The following CNTN5 variants were observed in gnomAD, a reference collection of about 807,000 sequenced individuals.
CNTN5 encodes the protein contactin 5, also known as contactin-5.
CNTN5 carries 77 observed loss-of-function variants against 129.1 expected under a neutral mutation model. The observed-to-expected ratio is 0.60, with a 90% CI of 0.50 to 0.72. The LOEUF (loss-of-function observed/expected upper bound fraction) is 0.72. Among genes scored for constraint, CNTN5 ranks in the 30% least tolerant of loss-of-function variants. The pLI is 0.00. For synonymous variants in CNTN5, 509 were observed against 465.6 expected (o/e 1.09, Z -1.20); for missense variants, 1,478 against 1,328.8 (o/e 1.11, Z -1.75).
In CNTN5 at chr11:100,240,708, G is replaced by T. The variant is rs1259201870; in HGVS notation, c.2006-15052G>T. ...AATCATGAGAATCTAAATAAATAAAGCAAGTACAAATTTATACTGCAGAAG... is the reference window on the plus strand; with the variant it reads ...AATCATGAGAATCTAAATAAATAAATCAAGTACAAATTTATACTGCAGAAG... On this transcript the variant is annotated intron_variant, in intron 16 of 24. Coordinates refer to ENST00000524871, the MANE Select transcript of CNTN5 (RefSeq NM_014361.4). Among the ~76,000 whole-genome samples, 4 of 152,088 alleles carry T rather than the reference G, an allele frequency of 2.6e-5. No homozygotes were observed. In the East Asian group the frequency reaches 5.8e-4, roughly 22 times the overall value.
intron 16 of CNTN5, among the ~76,000 whole-genome samples, chr11:100,255,167 T>G (rs575923537): frequency 6.6e-6 from 1 of 152,216 alleles, no homozygotes; most frequent in Non-Finnish European, 1.5e-5. Flanking sequence ...TCCTTTGAAC[T>G]CCCTACAGAA....
At chr11:99,163,095 C>T (rs1331411372) in intron 1 of CNTN5, among the ~76,000 whole-genome samples, 2 of 152,130 alleles carry the variant, frequency 1.3e-5, no homozygotes, top group African/African-American at 4.8e-5. Flanking sequence ...TTTGACAAAT[C>T]ACCTATTGAC....
At chr11:99,711,742 T>C (rs1954998568) in intron 3 of CNTN5, among the ~76,000 whole-genome samples, 1 of 152,062 alleles carries the variant, frequency 6.6e-6, no homozygotes. Context: ...TTTGGTTTAC[T>C]GTTCTTGTGT....
intron 1 of CNTN5, among the ~76,000 whole-genome samples, chr11:99,098,174 T>G (rs945818946): frequency 2.6e-5 from 4 of 152,088 alleles, no homozygotes; most frequent in Non-Finnish European, 4.4e-5. Context: ...ATGGCTTCAA[T>G]AATCTCAAAG....
At chr11:100,275,280 T>C (rs1950484661) in intron 18 of CNTN5, among the ~76,000 whole-genome samples, 1 of 152,230 alleles carries the variant, frequency 6.6e-6, no homozygotes, top group Admixed American at 6.5e-5. Flanking sequence ...AAACCAGCCA[T>C]GCTTTCATTG....
chr11:99,519,349 A>C (rs1051483382), intron 2 of CNTN5, among the ~76,000 whole-genome samples: 1 of 152,008 alleles, frequency 6.6e-6, no homozygotes, highest in Non-Finnish European at 1.5e-5. Flanking sequence ...TCATGCTGCT[A>C]TCCTTACAGT....
At chr11:99,763,609 A>C (rs1165346598) in intron 3 of CNTN5, among the ~76,000 whole-genome samples, 2 of 152,086 alleles carry the variant, frequency 1.3e-5, no homozygotes, top group Non-Finnish European at 2.9e-5. Flanking sequence ...GTAGTCAAAA[A>C]CTAGAAAATA....
At chr11:99,743,515 A>G (rs1456890272) in intron 3 of CNTN5, among the ~76,000 whole-genome samples, 2 of 152,142 alleles carry the variant, frequency 1.3e-5, no homozygotes, top group Non-Finnish European at 2.9e-5. Context: ...TTCTTTACCT[A>G]TAAATTGCAA....
intron 1 of CNTN5, among the ~76,000 whole-genome samples, chr11:99,322,655 C>T (rs1336724550): frequency 1.3e-5 from 2 of 152,014 alleles, no homozygotes; most frequent in Non-Finnish European, 2.9e-5. Flanking sequence ...TAGAAAATTA[C>T]AGGCAGAGTC....
intron 1 of CNTN5, among the ~76,000 whole-genome samples, chr11:99,151,272 A>G (rs1022597689): frequency 1.3e-5 from 2 of 152,066 alleles, no homozygotes; most frequent in African/African-American, 4.8e-5. Context: ...ATGTGTGTGT[A>G]CATGCATTTG....
intron 2 of CNTN5, among the ~76,000 whole-genome samples, chr11:99,358,473 A>C (rs1355815995): frequency 1.3e-5 from 2 of 150,196 alleles, no homozygotes; most frequent in Non-Finnish European, 1.5e-5. Context: ...AGGCAGGGGA[A>C]TCTCTTGAAC....
chr11:100,347,614 A>C (rs1005360183), intron 23 of CNTN5, among the ~76,000 whole-genome samples: 5 of 152,120 alleles, frequency 3.3e-5, no homozygotes, highest in African/African-American at 1.2e-4. Flanking sequence ...AACATCTGCA[A>C]CATGCCCAAA....
chr11:99,203,300 A>G (rs10750227), intron 1 of CNTN5, among the ~76,000 whole-genome samples: 96,502 of 151,974 alleles, frequency 0.63, 31,241 homozygotes, highest in East Asian at 0.95. Flanking sequence ...GAATCATTTG[A>G]GCTTCATGGA....
intron 1 of CNTN5, among the ~76,000 whole-genome samples, chr11:99,036,937 A>T (rs1476361730): frequency 1.3e-5 from 2 of 152,198 alleles, no homozygotes; most frequent in Admixed American, 1.3e-4. Flanking sequence ...ACAAACCCAT[A>T]GCAGCAAGAG....
At chr11:99,086,219 G>A (rs550286352) in intron 1 of CNTN5, among the ~76,000 whole-genome samples, 1 of 152,236 alleles carries the variant, frequency 6.6e-6, no homozygotes, top group Non-Finnish European at 1.5e-5. Context: ...CAAATGCAAA[G>A]TGGAAGCCAG....
chr11:99,801,824 G>A (rs928524706), intron 3 of CNTN5, among the ~76,000 whole-genome samples: 3 of 151,916 alleles, frequency 2.0e-5, no homozygotes, highest in Non-Finnish European at 4.4e-5. Flanking sequence ...TTCCTGTATT[G>A]CTTTAGTAGT....
At chr11:99,202,206 T>A (rs1204559239) in intron 1 of CNTN5, among the ~76,000 whole-genome samples, 1 of 152,194 alleles carries the variant, frequency 6.6e-6, no homozygotes, top group African/African-American at 2.4e-5. Context: ...CATCTAAAAG[T>A]TTTTCTGAAG....
intron 3 of CNTN5, among the ~76,000 whole-genome samples, chr11:99,559,600 A>G (rs1208513991): frequency 1.3e-5 from 2 of 152,194 alleles, no homozygotes; most frequent in African/African-American, 2.4e-5. Flanking sequence ...TCTCATTGAC[A>G]GTGAGAATTC....
intron 3 of CNTN5, among the ~76,000 whole-genome samples, chr11:99,746,611 C>G (rs185220512): frequency 1.8e-4 from 28 of 152,274 alleles, no homozygotes; most frequent in Admixed American, 1.2e-3. Flanking sequence ...GTGAACTGAG[C>G]ATGTGAGGGA....
Sources: allele counts gnomAD v4.1 joint callset (sites outside exome capture counted in the v4.1 genomes callset), GRCh38; gene constraint gnomAD v4.1.1; transcripts MANE v1.5; gene names NCBI Gene and HGNC (gene_info 2026-07-23, HGNC 2026-07-21).